Variants in SCAPER observed in about 807,000 individuals in gnomAD.
The protein encoded by SCAPER is S-phase cyclin A associated protein in the ER.
SCAPER carries 98 observed loss-of-function variants against 182.2 expected under a neutral mutation model. The ratio of observed to expected loss-of-function variants is 0.54; its 90% CI spans 0.46 to 0.64. SCAPER has a LOEUF of 0.64. Among genes scored for constraint, SCAPER ranks in the 30% least tolerant of loss-of-function variants. The pLI is 0.00. For synonymous variants in SCAPER, 605 were observed against 564.6 expected, an observed-to-expected ratio of 1.07 and a Z score of -1.01; for missense variants, 1,432 against 1,690.0, an observed-to-expected ratio of 0.85 and a Z score of 2.68.
At chr15:76,845,859 G>A (rs759284336) in intron 4 of SCAPER, among the ~76,000 whole-genome samples, 1 of 151,518 alleles carries the variant, frequency 6.6e-6, no homozygotes, top group Non-Finnish European at 1.5e-5. Context: ...AATATATACA[G>A]AACCACAAAA....
At position 76,519,748 on chromosome 15, in the gene SCAPER, T is replaced by C. The variant is rs1412143686; in HGVS notation, c.2839-14774A>G. On this transcript the variant is annotated intron_variant, in intron 23 of 31. Coordinates refer to ENST00000563290, the MANE Select transcript of SCAPER (RefSeq NM_020843.4). ...TATCTCAAGTGCTTGTTTAGATGAC[T>C]GAATAATCTGCATAAATGTTAGTGA... is the stretch of plus-strand genomic sequence containing the variant. Among the ~76,000 whole-genome samples, 3 of 152,224 alleles carry C rather than the reference T, an allele frequency of 2.0e-5. No individual in the cohort carries two copies. The East Asian group carries it at 5.8e-4, about 29-fold the overall frequency.
intron 26 of SCAPER, among the ~76,000 whole-genome samples, chr15:76,429,801 C>T (rs375615776): frequency 1.3e-5 from 2 of 152,122 alleles, no homozygotes; most frequent in East Asian, 1.9e-4. Flanking sequence ...ATATTCAAGC[C>T]GACTGCAGAA....
chr15:76,466,705 G>T (rs1440643047), intron 25 of SCAPER, among the ~76,000 whole-genome samples: 3 of 150,558 alleles, frequency 2.0e-5, no homozygotes, highest in Non-Finnish European at 4.4e-5. Context: ...ACTGGCTTTT[G>T]TAGTATGGAA....
At chr15:76,511,748 C>T (rs1044756466) in intron 23 of SCAPER, among the ~76,000 whole-genome samples, 15 of 151,810 alleles carry the variant, frequency 9.9e-5, no homozygotes, top group South Asian at 2.1e-4. Context: ...CATATCCCAA[C>T]GACTTAGCAC....
intron 21 of SCAPER, among the ~76,000 whole-genome samples, chr15:76,629,859 T>C (rs2052936997): frequency 6.6e-6 from 1 of 152,210 alleles, no homozygotes; most frequent in Non-Finnish European, 1.5e-5. Flanking sequence ...GAACTTCTGG[T>C]AGAATTCAGC....
Position 76,415,530 on chromosome 15 carries a change from A to G in SCAPER, c.3312-10851T>C, listed in dbSNP as rs181884722. Among the ~76,000 whole-genome samples, 638 of 152,344 alleles carry G rather than the reference A, an allele frequency of 4.2e-3. 2 individuals are homozygous for G. Among genetic ancestry groups the G allele is most frequent in the Non-Finnish European group, 6.3e-3 (427 of 68,018 alleles). On this transcript the variant is annotated intron_variant, in intron 26 of 31. Transcript: ENST00000563290. ...CAGAATAGAATCTGAAGAGCAGTTA[A>G]AATGAATCAGCTAGATCTATATGAA...
At chr15:76,714,185 A>C (rs1031865704) in intron 17 of SCAPER, among the ~76,000 whole-genome samples, 4 of 152,154 alleles carry the variant, frequency 2.6e-5, no homozygotes, top group Non-Finnish European at 5.9e-5. Context: ...GAAAAGAGAA[A>C]TGGATTACCA....
intron 2 of SCAPER, among the ~76,000 whole-genome samples, chr15:76,873,340 AGGCAGGCAGGCAGGCAGGC>A: frequency 1.7e-5 from 1 of 58,640 alleles, no homozygotes; most frequent in Non-Finnish European, 3.9e-5. Flanking sequence ...GAAGGCAGGC[AGGCAGGCAGGCAGGCAGGC>A]AGGCAGGCAG....
At chr15:76,471,368 C>G (rs761310139) in intron 24 of SCAPER, 33 bp from the exon 25 acceptor site, 1 of 1,578,668 alleles carries the variant, frequency 6.3e-7, no homozygotes, top group South Asian at 1.2e-5. Context: ...ATTTATAAAA[C>G]CCGAGCAGCT....
chr15:76,714,802 T>A (rs2059796982), intron 17 of SCAPER, among the ~76,000 whole-genome samples: 1 of 152,150 alleles, frequency 6.6e-6, no homozygotes, highest in South Asian at 2.1e-4. Context: ...CCAACAATAA[T>A]TTATATCGGT....
chr15:76,431,128 C>T (rs1266992675), intron 26 of SCAPER, among the ~76,000 whole-genome samples: 2 of 128,176 alleles, frequency 1.6e-5, no homozygotes, highest in Non-Finnish European at 3.4e-5. Context: ...CATGTGGAAC[C>T]CTCTTTTTTT....
At chr15:76,629,475 A>T (rs138648676) in intron 21 of SCAPER, among the ~76,000 whole-genome samples, 1 of 152,162 alleles carries the variant, frequency 6.6e-6, no homozygotes, top group Non-Finnish European at 1.5e-5. Context: ...ATGAAGGGAT[A>T]TTGAATTTTA....
chr15:76,400,351 A>T (rs572974039), intron 27 of SCAPER, among the ~76,000 whole-genome samples: 27 of 152,338 alleles, frequency 1.8e-4, no homozygotes, highest in Non-Finnish European at 3.7e-4. Flanking sequence ...TTACTCCAAT[A>T]AAGCAAAAAC....
At chr15:76,713,304 A>T (rs1201068801) in intron 17 of SCAPER, among the ~76,000 whole-genome samples, 1 of 152,062 alleles carries the variant, frequency 6.6e-6, no homozygotes, top group Non-Finnish European at 1.5e-5. Flanking sequence ...ACTATAAATC[A>T]TGCTGCTATA....
intron 21 of SCAPER, among the ~76,000 whole-genome samples, chr15:76,660,752 A>G (rs2056082396): frequency 6.6e-6 from 1 of 152,186 alleles, no homozygotes; most frequent in Admixed American, 6.5e-5. Context: ...TAGTAAAAAC[A>G]GTATACAAAT....
intron 21 of SCAPER, among the ~76,000 whole-genome samples, chr15:76,638,375 T>C (rs1438080845): frequency 6.6e-6 from 1 of 152,196 alleles, no homozygotes; most frequent in Non-Finnish European, 1.5e-5. Flanking sequence ...TCTTATCAAA[T>C]TGACTACAAT....
chr15:76,674,985 A>G (rs1598085579), intron 20 of SCAPER, among the ~76,000 whole-genome samples: 1 of 152,336 alleles, frequency 6.6e-6, no homozygotes, highest in Non-Finnish European at 1.5e-5. Context: ...GAAAACCTCC[A>G]TAAAAAATAG....
At chr15:76,492,938 A>T (rs549371212) in intron 24 of SCAPER, among the ~76,000 whole-genome samples, 1 of 149,582 alleles carries the variant, frequency 6.7e-6, no homozygotes, top group East Asian at 2.0e-4. Flanking sequence ...GTGGATGAAG[A>T]GGGAAAATTT....
At chr15:76,661,774 G>A (rs1017243444) in intron 21 of SCAPER, among the ~76,000 whole-genome samples, 6 of 152,134 alleles carry the variant, frequency 3.9e-5, no homozygotes, top group African/African-American at 7.2e-5. Flanking sequence ...ACAGTGTGGC[G>A]ATTCCTCAAG....
Sources: gnomAD v4.1 joint callset for allele counts (sites outside exome capture counted in the v4.1 genomes callset) on GRCh38, gnomAD v4.1.1 for gene constraint, MANE v1.5 for transcripts, NCBI Gene and HGNC (gene_info 2026-07-23, HGNC 2026-07-21) for gene names.